Variants in VTI1B observed in about 807,000 individuals in gnomAD.
VTI1B encodes the protein vesicle transport through interaction with t-SNAREs homolog 1B.
Under a neutral mutation model 28.6 loss-of-function variants are expected in VTI1B, and 18 were observed. The observed-to-expected ratio is 0.63, with a 90% CI of 0.43 to 0.93. VTI1B has a LOEUF of 0.93. VTI1B is among the 40% of genes least tolerant of loss of function. VTI1B has a pLI of 0.00. For synonymous variants in VTI1B, 100 were observed against 107.9 expected, an observed-to-expected ratio of 0.93 and a Z score of 0.46; for missense variants, 283 against 297.0, an observed-to-expected ratio of 0.95 and a Z score of 0.35.
chr14:67,662,360 A>C (rs1319127076), intron 2 of VTI1B, 117 bp downstream of exon 2: 5 of 962,052 alleles, frequency 5.2e-6, no homozygotes, highest in Non-Finnish European at 7.9e-6. Flanking sequence ...TTTAGTAAGA[A>C]ATAGTCAAAA....
intron 2 of VTI1B, among the ~76,000 whole-genome samples, chr14:67,660,703 G>A (rs985032768): frequency 6.6e-6 from 1 of 152,154 alleles, no homozygotes; most frequent in African/African-American, 2.4e-5. Context: ...TAAGTAAAAT[G>A]TAACACCTGG....
intron 1 of VTI1B, among the ~76,000 whole-genome samples, chr14:67,673,056 G>A (rs943039041): frequency 1.3e-5 from 2 of 152,128 alleles, no homozygotes; most frequent in Admixed American, 1.3e-4. Flanking sequence ...CTGTTCAAAC[G>A]CCATCTCCTC....
chr14:67,672,134 T>G (rs2037472121), intron 1 of VTI1B, among the ~76,000 whole-genome samples: 1 of 151,984 alleles, frequency 6.6e-6, no homozygotes, highest in Non-Finnish European at 1.5e-5. Flanking sequence ...TTTTTTTTTT[T>G]TTTTGGGAGA....
intron 4 of VTI1B, among the ~76,000 whole-genome samples, chr14:67,655,661 A>G (rs1267147550): frequency 6.6e-6 from 1 of 152,226 alleles, no homozygotes; most frequent in Non-Finnish European, 1.5e-5. Context: ...ATAACAGGAT[A>G]TAAGCAGATG....
intron 1 of VTI1B, among the ~76,000 whole-genome samples, chr14:67,672,480 C>T (rs867498919): frequency 1.8e-4 from 22 of 120,134 alleles, no homozygotes; most frequent in Admixed American, 4.1e-4. Context: ...GAGTCTTGAT[C>T]TGTTGCCCAG....
rs980401766 is a variant in VTI1B, at chr14:67,648,852, C to T, written c.*2533G>A. ...ACCTTTCATTCCAAAATTTAAAGAA[C>T]TACCAAATCATACTGCTTCAGTAAC... is the stretch of plus-strand genomic sequence containing the variant. On this transcript the variant is annotated 3_prime_UTR_variant, in exon 6 of 6. Coordinates refer to ENST00000554659, the MANE Select transcript of VTI1B (RefSeq NM_006370.3). 5.3e-5 allele frequency: 8 copies of T among 152,222 alleles called. No individual in the cohort carries two copies. Among genetic ancestry groups the T allele is most frequent in the Admixed American group, 5.2e-4 (8 of 15,274 alleles). The allele number at this position is 152,222 out of a possible 1,614,324, so 9.4% of individuals were successfully genotyped here. A position where few individuals can be genotyped will look rare whatever the true frequency, so the allele number is the denominator to read the frequency against.
intron 3 of VTI1B, among the ~76,000 whole-genome samples, chr14:67,658,110 G>A (rs561230363): frequency 2.0e-5 from 3 of 152,264 alleles, no homozygotes; most frequent in South Asian, 2.1e-4. Context: ...ACCACTGAAT[G>A]AGGTTCAAAT....
intron 4 of VTI1B, among the ~76,000 whole-genome samples, chr14:67,655,392 T>C (rs1277303099): frequency 6.6e-6 from 1 of 152,152 alleles, no homozygotes; most frequent in Non-Finnish European, 1.5e-5. Flanking sequence ...AATGAGTTAT[T>C]TTTCTGAGGC....
At position 67,674,495 on chromosome 14, in the gene VTI1B, A is replaced by ATTTTTTAATGATAC; in HGVS notation, c.-7_-6insGTATCATTAAAAAA. The ATTTTTTAATGATAC allele has an allele frequency of 1.3e-6, 2 of 1,596,432 alleles. No homozygotes were observed. The highest frequency in any genetic ancestry group is 1.7e-5 in the Admixed American group (1 of 57,482). On this transcript the variant is annotated 5_prime_UTR_variant, in exon 1 of 6. It adds an upstream start codon to the 5' untranslated region. Transcript: ENST00000554659. ...GAGGCGGCGGAGGAGGCCATGGCGC[A>ATTTTTTAATGATAC]GGCCGCGCTGGAGCAGCGGCCACCG...
chr14:67,665,713 A>G (rs986051981), intron 1 of VTI1B, among the ~76,000 whole-genome samples: 11 of 152,182 alleles, frequency 7.2e-5, no homozygotes, highest in African/African-American at 2.4e-4. Flanking sequence ...ACCTCCTTAG[A>G]TGTGGCTACT....
In VTI1B at chr14:67,662,179, C is replaced by CA. The variant is rs112653537; in HGVS notation, c.174+297dup. Among the ~76,000 whole-genome samples the CA allele has an allele frequency of 9.6e-3, 1,353 of 141,524 alleles. 8 individuals carry two copies. The highest frequency in any genetic ancestry group is 0.023 in the East Asian group (113 of 4,842). 92.8% of individuals were successfully genotyped at this position (141,524 alleles called of 152,430 possible). A position where few individuals can be genotyped will look rare whatever the true frequency, so the allele number is the denominator to read the frequency against. The stretch of plus-strand genomic sequence containing the variant: ...TCAAAACAAACAACAACAACAACAA[C>CA]AAAAAAAAAAACAACAGATTTTAAA... On this transcript the variant is annotated intron_variant, in intron 2 of 5. Transcript: ENST00000554659.
At chr14:67,655,986 C>T (rs958863434) in intron 4 of VTI1B, among the ~76,000 whole-genome samples, 20 of 152,170 alleles carry the variant, frequency 1.3e-4, no homozygotes, top group Admixed American at 1.3e-3. Flanking sequence ...TGGCTCACGC[C>T]TATAATCCTA....
chr14:67,647,096 C>CAGCAGCT lies in VTI1B; in HGVS notation c.*4282_*4288dup, dbSNP rs2037110106. 2.0e-6 allele frequency: 2 copies of CAGCAGCT among 988,284 alleles called. No individual in the cohort carries two copies. The highest frequency in any genetic ancestry group is 4.1e-5 in the Admixed American group (2 of 49,380). 61.2% of individuals were successfully genotyped at this position (988,284 alleles called of 1,614,324 possible). On this transcript the variant is annotated 3_prime_UTR_variant, in exon 6 of 6. Transcript: ENST00000554659. ...ACACTTTTAGCCTGTTTCTTGAGGA[C>CAGCAGCT]AGCAGCTTTACTTTTAAAATACAAA... is the stretch of plus-strand genomic sequence containing the variant.
chr14:67,662,403 G>A, intron 2 of VTI1B, 74 bp downstream of exon 2: 1 of 1,264,716 alleles, frequency 7.9e-7, no homozygotes, highest in Non-Finnish European at 1.1e-6. Context: ...GTTAATTTGT[G>A]ATCAGCTCAT....
intron 1 of VTI1B, among the ~76,000 whole-genome samples, chr14:67,673,144 A>G (rs529874456): frequency 3.3e-5 from 5 of 152,372 alleles, no homozygotes; most frequent in Admixed American, 2.6e-4. Context: ...GGAGTTAGAG[A>G]TCAGCCTGGC....
intron 4 of VTI1B, 70 bp downstream of exon 4, chr14:67,656,346 T>C (rs2037257351): frequency 1.4e-6 from 2 of 1,428,690 alleles, no homozygotes; most frequent in African/African-American, 1.4e-5. Context: ...TTGGCCTTAG[T>C]ACGGTTTCCA....
At chr14:67,654,738 A>T (rs546128952) in intron 4 of VTI1B, among the ~76,000 whole-genome samples, 2 of 152,162 alleles carry the variant, frequency 1.3e-5, no homozygotes, top group African/African-American at 4.8e-5. Flanking sequence ...TGTACCAATT[A>T]AAAAATTTTG....
At chr14:67,673,879 T>C (rs562792655) in intron 1 of VTI1B, among the ~76,000 whole-genome samples, 1 of 152,238 alleles carries the variant, frequency 6.6e-6, no homozygotes, top group Non-Finnish European at 1.5e-5. Flanking sequence ...CACATCTAAA[T>C]GCCACAATCA....
At chr14:67,660,748 TG>T in intron 2 of VTI1B, among the ~76,000 whole-genome samples, 1 of 152,370 alleles carries the variant, frequency 6.6e-6, no homozygotes, top group South Asian at 2.1e-4. Context: ...TATTTTCATC[TG>T]CCTGGAATGG....
Sources: gnomAD v4.1 joint callset for allele counts (sites outside exome capture counted in the v4.1 genomes callset) on GRCh38, gnomAD v4.1.1 for gene constraint, MANE v1.5 for transcripts, NCBI Gene and HGNC (gene_info 2026-07-23, HGNC 2026-07-21) for gene names.